The following TMEM135 variants were observed in gnomAD, a reference collection of about 807,000 sequenced individuals.
The protein encoded by TMEM135 is transmembrane protein 135, also known as peroxisomal membrane protein 52.
Under a neutral mutation model 60.3 loss-of-function variants are expected in TMEM135, and 30 were observed. That is an observed-to-expected ratio of 0.50 (90% CI 0.37 to 0.68). The LOEUF (loss-of-function observed/expected upper bound fraction) is 0.68, where lower values mean the gene tolerates loss of function less well. Among genes scored for constraint, TMEM135 ranks in the 30% least tolerant of loss-of-function variants. The pLI is 0.00. For synonymous variants in TMEM135, 190 were observed against 186.7 expected (o/e 1.02, Z -0.14); for missense variants, 468 against 548.8 (o/e 0.85, Z 1.47).
intron 4 of TMEM135, among the ~76,000 whole-genome samples, chr11:87,107,933 G>C (rs998680705): frequency 2.6e-5 from 4 of 152,158 alleles, no homozygotes; most frequent in Non-Finnish European, 2.9e-5. Flanking sequence ...GTTGTTTCCT[G>C]AGTTTTGAAT....
In TMEM135 at chr11:87,321,258, C is replaced by A. The variant is rs1467125255; in HGVS notation, c.1302C>A (p.His434Gln). 5 of 1,613,558 alleles carry A rather than the reference C, an allele frequency of 3.1e-6. No homozygotes were observed. Among genetic ancestry groups the A allele is most frequent in the Non-Finnish European group, 4.2e-6 (5 of 1,179,690 alleles). ...LDVFGTGASK[H>Q]FQDFIPRLDP... The stretch of plus-strand genomic sequence containing the variant: ...TTTTTGGTACTGGTGCATCTAAACA[C>A]TTTCAGGATTTCATCCCCAGGTTGG... The change falls in exon 15 of 15, where the codon CAC becomes CAA. Residue 434 changes from histidine (H) to glutamine (Q), a missense_variant. Coordinates refer to ENST00000305494, the MANE Select transcript of TMEM135 (RefSeq NM_022918.4).
intron 6 of TMEM135, chr11:87,258,961 A>T: frequency 9.9e-6 from 15 of 1,512,940 alleles, no homozygotes; most frequent in Admixed American, 1.7e-5. Flanking sequence ...CTCGGTTTGC[A>T]TCTTCTCAGT....
At chr11:87,286,459 C>T (rs926006189) in intron 6 of TMEM135, among the ~76,000 whole-genome samples, 1 of 152,244 alleles carries the variant, frequency 6.6e-6, no homozygotes, top group Non-Finnish European at 1.5e-5. Flanking sequence ...CTGGCTTCGC[C>T]TAGTGGACCC....
intron 3 of TMEM135, among the ~76,000 whole-genome samples, chr11:87,088,013 C>T (rs10898594): frequency 0.081 from 12,379 of 152,198 alleles, 575 homozygotes; most frequent in East Asian, 0.18. Context: ...GTTGGGATTA[C>T]AGGTGTGAGC....
At chr11:87,212,824 G>GAA (rs60084755) in intron 5 of TMEM135, among the ~76,000 whole-genome samples, 58 of 105,514 alleles carry the variant, frequency 5.5e-4, no homozygotes, top group African/African-American at 1.3e-3. Flanking sequence ...CCTGATTTTG[G>GAA]AAAAAAAAAA....
chr11:87,127,779 T>C (rs895810496), intron 4 of TMEM135, among the ~76,000 whole-genome samples: 1 of 152,214 alleles, frequency 6.6e-6, no homozygotes, highest in Non-Finnish European at 1.5e-5. Flanking sequence ...GCATGTCTGT[T>C]CCTAGTTTTG....
chr11:87,154,016 T>C lies in TMEM135; in HGVS notation c.397-3325T>C, dbSNP rs185485923. Among the ~76,000 whole-genome samples the C allele has an allele frequency of 2.8e-3, 428 of 152,348 alleles. 3 individuals carry two copies. Among genetic ancestry groups the C allele is most frequent in the African/African-American group, 9.9e-3 (410 of 41,580 alleles). Reference sequence around the variant, plus strand: ...TTAAGTTTACTGTTTTGGCCATTTTTCTGTGTACAGTTCACTGGCATTAAG... The same window carrying C: ...TTAAGTTTACTGTTTTGGCCATTTTCCTGTGTACAGTTCACTGGCATTAAG... On this transcript the variant is annotated intron_variant, in intron 4 of 14. Transcript: ENST00000305494.
chr11:87,252,814 G>GTGTGTT (rs1450950765), intron 6 of TMEM135, among the ~76,000 whole-genome samples: 2 of 151,066 alleles, frequency 1.3e-5, no homozygotes, highest in African/African-American at 4.9e-5. Context: ...GTGTGTGTGT[G>GTGTGTT]TGTGTGTGTG....
chr11:87,177,383 G>A (rs950433150), intron 5 of TMEM135, among the ~76,000 whole-genome samples: 2 of 151,940 alleles, frequency 1.3e-5, no homozygotes, highest in African/African-American at 4.8e-5. Flanking sequence ...TAAGTATTTG[G>A]TGTTCATTAT....
intron 6 of TMEM135, among the ~76,000 whole-genome samples, chr11:87,265,964 C>A (rs1388561657): frequency 6.6e-6 from 1 of 152,020 alleles, no homozygotes; most frequent in East Asian, 1.9e-4. Flanking sequence ...GATCTATTAG[C>A]CTTACAGCTA....
At chr11:87,183,639 G>A (rs1939577556) in intron 5 of TMEM135, among the ~76,000 whole-genome samples, 1 of 151,900 alleles carries the variant, frequency 6.6e-6, no homozygotes, top group Non-Finnish European at 1.5e-5. Flanking sequence ...TTGTGAATGG[G>A]CTTACTTTCT....
At chr11:87,302,477 G>T (rs1386653618) in intron 8 of TMEM135, 35 bp downstream of exon 8, 3 of 1,612,932 alleles carry the variant, frequency 1.9e-6, no homozygotes, top group South Asian at 1.1e-5. Flanking sequence ...AACCTGCTTT[G>T]TCACTGTTTC....
rs549646401 is a variant in TMEM135, at chr11:87,046,584, C to T, written c.141+8398C>T. Among the ~76,000 whole-genome samples the T allele has an allele frequency of 1.1e-4, 17 of 152,104 alleles. 1 individual carries two copies. Among genetic ancestry groups the T allele is most frequent in the African/African-American group, 3.4e-4 (14 of 41,482 alleles). ...ACATACTGAGTTTTAATTACCAGTG[C>T]GGTATGTAAGTGGAGAATGACCATG... On this transcript the variant is annotated intron_variant, in intron 1 of 14. Coordinates refer to ENST00000305494, the MANE Select transcript of TMEM135 (RefSeq NM_022918.4).
intron 4 of TMEM135, among the ~76,000 whole-genome samples, chr11:87,119,302 C>T (rs1233157002): frequency 6.6e-6 from 1 of 152,144 alleles, no homozygotes; most frequent in Non-Finnish European, 1.5e-5. Flanking sequence ...GATGGGGGAA[C>T]AGTCAGTTGG....
Position 87,327,363 on chromosome 11 carries a change from A to G in TMEM135, c.*6030A>G, listed in dbSNP as rs1191114254. Reference sequence around the variant, plus strand: ...CAAACATGAAAAACCAGCATATTAAAGATGCCAGGTCAGAAAAATAGAAAG... The same window carrying G: ...CAAACATGAAAAACCAGCATATTAAGGATGCCAGGTCAGAAAAATAGAAAG... On this transcript the variant is annotated 3_prime_UTR_variant, in exon 15 of 15. Coordinates refer to ENST00000305494, the MANE Select transcript of TMEM135 (RefSeq NM_022918.4). 2 of 453,756 alleles carry G rather than the reference A, an allele frequency of 4.4e-6. No homozygotes were observed. The highest frequency in any genetic ancestry group is 8.8e-6 in the Non-Finnish European group (2 of 226,768). 28.1% of individuals were successfully genotyped at this position (453,756 alleles called of 1,614,324 possible). A position where few individuals can be genotyped will look rare whatever the true frequency, so the allele number is the denominator to read the frequency against.
At chr11:87,228,024 A>G (rs892253415) in intron 5 of TMEM135, among the ~76,000 whole-genome samples, 3 of 152,222 alleles carry the variant, frequency 2.0e-5, no homozygotes, top group South Asian at 4.1e-4. Flanking sequence ...TAAAGAAAGT[A>G]TACAAACAAC....
Position 87,314,478 on chromosome 11 carries a change from G to C in TMEM135, c.1008G>C (p.Leu336Phe). Residue 336 changes from leucine (L) to phenylalanine (F), a missense_variant, in exon 12 of 15, where the codon TTG becomes TTC. Transcript: ENST00000305494. The part of the protein sequence containing the change: ...DELHAIIAGF[L>F]AGISMMFYKS... ...TCTTATTTCTTGTTTCAGGATTTTT[G>C]GCAGGTATATCAATGATGTTTTATA... 1 of 1,609,588 alleles carries C rather than the reference G, an allele frequency of 6.2e-7. No homozygotes were observed. The highest frequency in any genetic ancestry group is 1.1e-5 in the South Asian group (1 of 90,974).
At chr11:87,289,437 C>CTTTTTTTTTTTTTTTT (rs376999371) in intron 6 of TMEM135, among the ~76,000 whole-genome samples, 2 of 87,580 alleles carry the variant, frequency 2.3e-5, no homozygotes, top group Non-Finnish European at 2.0e-5. Flanking sequence ...ATCTCCATAT[C>CTTTTTTTTTTTTTTTT]TTTTTTTTTT....
At chr11:87,116,690 A>C (rs748827601) in intron 4 of TMEM135, among the ~76,000 whole-genome samples, 1 of 152,076 alleles carries the variant, frequency 6.6e-6, no homozygotes, top group African/African-American at 2.4e-5. Flanking sequence ...CAAAGATATC[A>C]TGGGTTTGGA....
Sources: gnomAD v4.1 joint callset for allele counts (sites outside exome capture counted in the v4.1 genomes callset) on GRCh38, gnomAD v4.1.1 for gene constraint, MANE v1.5 for transcripts, NCBI Gene and HGNC (gene_info 2026-07-23, HGNC 2026-07-21) for gene names.